Variants in PTPRD observed in about 807,000 individuals in gnomAD.
PTPRD encodes protein tyrosine phosphatase receptor type D.
A neutral mutation model predicts 214.5 loss-of-function variants in PTPRD; 34 were observed. That is an observed-to-expected ratio of 0.16 (90% CI 0.12 to 0.21). PTPRD has a LOEUF of 0.21. Among genes scored for constraint, PTPRD ranks in the 10% least tolerant of loss-of-function variants. PTPRD has a pLI of 1.00. For synonymous variants in PTPRD, 1,128 were observed against 845.7 expected, an observed-to-expected ratio of 1.33 and a Z score of -5.79; for missense variants, 2,545 against 2,398.7, an observed-to-expected ratio of 1.06 and a Z score of -1.27.
intron 9 of PTPRD, among the ~76,000 whole-genome samples, chr9:9,255,699 A>G (rs2099977425): frequency 6.6e-6 from 1 of 152,028 alleles, no homozygotes; most frequent in African/African-American, 2.4e-5. Context: ...AAGTTTTACA[A>G]CCTTTTGTTG....
chr9:10,442,950 T>C (rs1025110138), intron 2 of PTPRD, among the ~76,000 whole-genome samples: 4 of 151,516 alleles, frequency 2.6e-5, no homozygotes, highest in African/African-American at 9.7e-5. Context: ...TAGAAATGAA[T>C]GTATTCACAC....
chr9:9,676,430 T>C (rs2096931598), intron 7 of PTPRD, among the ~76,000 whole-genome samples: 1 of 152,020 alleles, frequency 6.6e-6, no homozygotes, highest in Non-Finnish European at 1.5e-5. Context: ...TCCAGCTTCA[T>C]CCATGTCCCT....
At chr9:9,458,245 T>C (rs1018666054) in intron 8 of PTPRD, among the ~76,000 whole-genome samples, 1 of 152,024 alleles carries the variant, frequency 6.6e-6, no homozygotes, top group East Asian at 1.9e-4. Context: ...GAGTAAACAA[T>C]TCAAGTGTAC....
intron 9 of PTPRD, among the ~76,000 whole-genome samples, chr9:9,284,352 T>TG (rs916289832): frequency 5.3e-5 from 8 of 151,686 alleles, no homozygotes; most frequent in African/African-American, 1.9e-4. Context: ...AAAGTGATTC[T>TG]GGAGTCATGA....
In PTPRD at chr9:10,430,107, G is replaced by A. The variant is rs143065204; in HGVS notation, c.-599-89090C>T. Among the ~76,000 whole-genome samples, 700 of 151,964 alleles carry A rather than the reference G, an allele frequency of 4.6e-3. 6 individuals carry two copies. The highest frequency in any genetic ancestry group is 0.016 in the African/African-American group (663 of 41,516). ...CATAAATGCCTCAGCTTGAGTAAAT[G>A]TAGAACAACCTTCATGTATTTCCCT... On this transcript the variant is annotated intron_variant, in intron 2 of 45. Coordinates refer to ENST00000381196, the MANE Select transcript of PTPRD (RefSeq NM_002839.4).
At chr9:10,280,355 A>AC (rs2095028841) in intron 3 of PTPRD, among the ~76,000 whole-genome samples, 1 of 128,708 alleles carries the variant, frequency 7.8e-6, no homozygotes, top group African/African-American at 4.4e-5. Flanking sequence ...TTAAATACAT[A>AC]AACACCACAC....
At chr9:9,123,235 T>C (rs112911436) in intron 10 of PTPRD, among the ~76,000 whole-genome samples, 127 of 152,282 alleles carry the variant, frequency 8.3e-4, no homozygotes, top group African/African-American at 2.8e-3. Context: ...GCCATGTCAC[T>C]CCAACTCAGG....
chr9:9,678,422 A>G (rs903454464), intron 7 of PTPRD, among the ~76,000 whole-genome samples: 1 of 152,080 alleles, frequency 6.6e-6, no homozygotes, highest in African/African-American at 2.4e-5. Context: ...CCGCATATCT[A>G]CAACCATCTG....
At chr9:9,283,519 T>A (rs560467346) in intron 9 of PTPRD, among the ~76,000 whole-genome samples, 1 of 151,422 alleles carries the variant, frequency 6.6e-6, no homozygotes, top group East Asian at 2.0e-4. Context: ...ATCCAACTGC[T>A]AGGAAGTAAG....
intron 35 of PTPRD, among the ~76,000 whole-genome samples, chr9:8,428,640 A>ACTTCG (rs1269727193): frequency 6.6e-6 from 1 of 152,092 alleles, no homozygotes; most frequent in African/African-American, 2.4e-5. Context: ...CTTCAAGAAA[A>ACTTCG]AATCCAGTGC....
At chr9:9,483,084 T>G (rs1055013461) in intron 8 of PTPRD, among the ~76,000 whole-genome samples, 7 of 152,214 alleles carry the variant, frequency 4.6e-5, no homozygotes, top group Non-Finnish European at 7.3e-5. Context: ...AAATGCTTTC[T>G]AATATATTGA....
At chr9:9,011,026 G>T (rs1335065725) in intron 11 of PTPRD, among the ~76,000 whole-genome samples, 1 of 152,150 alleles carries the variant, frequency 6.6e-6, no homozygotes, top group Non-Finnish European at 1.5e-5. Context: ...TATGTAGCAT[G>T]CTCATAATTT....
At chr9:9,244,418 G>A (rs1282704971) in intron 9 of PTPRD, among the ~76,000 whole-genome samples, 1 of 152,056 alleles carries the variant, frequency 6.6e-6, no homozygotes, top group African/African-American at 2.4e-5. Context: ...AAAACACCAT[G>A]GTACTGGTAC....
At chr9:9,024,017 T>G (rs931534283) in intron 10 of PTPRD, among the ~76,000 whole-genome samples, 4 of 151,918 alleles carry the variant, frequency 2.6e-5, no homozygotes, top group African/African-American at 9.7e-5. Context: ...TAATTTAATA[T>G]AATCACCATT....
intron 3 of PTPRD, among the ~76,000 whole-genome samples, chr9:10,088,053 CTTAT>C (rs930622209): frequency 6.6e-6 from 1 of 151,712 alleles, no homozygotes; most frequent in Non-Finnish European, 1.5e-5. Context: ...ACTTCAACTT[CTTAT>C]TTATGTATTC....
intron 39 of PTPRD, among the ~76,000 whole-genome samples, chr9:8,344,120 T>G (rs1410603313): frequency 6.6e-6 from 1 of 152,082 alleles, no homozygotes; most frequent in African/African-American, 2.4e-5. Context: ...ACTCCATGTT[T>G]GGCAGGTCCT....
chr9:8,327,968 T>C (rs1835678998), intron 44 of PTPRD, among the ~76,000 whole-genome samples: 1 of 151,940 alleles, frequency 6.6e-6, no homozygotes, highest in African/African-American at 2.4e-5. Context: ...CTCCTCTTTA[T>C]CCAATTGGCC....
intron 3 of PTPRD, among the ~76,000 whole-genome samples, chr9:10,092,169 C>G (rs2098438660): frequency 6.6e-6 from 1 of 151,458 alleles, no homozygotes; most frequent in Non-Finnish European, 1.5e-5. Flanking sequence ...ACCACCTATG[C>G]CTCATGTAAA....
At chr9:8,449,604 TA>T in intron 34 of PTPRD, 120 bp downstream of exon 34, 2 of 923,070 alleles carry the variant, frequency 2.2e-6, no homozygotes, top group South Asian at 4.8e-5. Flanking sequence ...AATAGTAAAA[TA>T]AAAGAGCAGG....
Sources: gnomAD v4.1 joint callset for allele counts (sites outside exome capture counted in the v4.1 genomes callset) on GRCh38, gnomAD v4.1.1 for gene constraint, MANE v1.5 for transcripts, NCBI Gene and HGNC (gene_info 2026-07-23, HGNC 2026-07-21) for gene names.